AMBRA1: variants seen among roughly 807,000 people sequenced by gnomAD.
AMBRA1 encodes the protein autophagy and beclin 1 regulator 1.
A neutral mutation model predicts 125.4 loss-of-function variants in AMBRA1; 47 were observed. The observed-to-expected ratio is 0.37, with a 90% confidence interval of 0.30 to 0.48. The LOEUF is 0.48. AMBRA1 is among the 20% of genes least tolerant of loss of function. AMBRA1 has a pLI of 0.99. For synonymous variants in AMBRA1, 626 were observed against 655.5 expected, an observed-to-expected ratio of 0.95 and a Z score of 0.69; for missense variants, 1,331 against 1,693.4, an observed-to-expected ratio of 0.79 and a Z score of 3.76.
chr11:46,523,811 C>G (rs1199401195), intron 7 of AMBRA1, among the ~76,000 whole-genome samples: 5 of 152,312 alleles, frequency 3.3e-5, no homozygotes, highest in African/African-American at 1.2e-4. Context: ...TATTAACTAT[C>G]ATAAGAAGAT....
chr11:46,524,920 A>G (rs1951903329), intron 7 of AMBRA1, among the ~76,000 whole-genome samples: 1 of 152,282 alleles, frequency 6.6e-6, no homozygotes, highest in Non-Finnish European at 1.5e-5. Context: ...GTATCCATCT[A>G]CCAATCTATG....
rs1363266619 is a variant in AMBRA1 at position 46,588,240 on chromosome 11, G to A, written c.-121+5588C>T. 3.9e-5 allele frequency among the ~76,000 whole-genome samples: 6 copies of A among 152,114 alleles called. No homozygotes were observed. In the South Asian group the frequency reaches 6.2e-4, roughly 16 times the overall value. On this transcript the variant is annotated intron_variant, in intron 1 of 17. Transcript: ENST00000683756. ...CCAGCTACTCAGGAAGCTGAGGAGG[G>A]GGAATCACTTGAACCTGGGAGGCGC...
At chr11:46,551,495 G>A (rs924363457) in intron 1 of AMBRA1, among the ~76,000 whole-genome samples, 1 of 152,094 alleles carries the variant, frequency 6.6e-6, no homozygotes, top group African/African-American at 2.4e-5. Flanking sequence ...TGCCCAGGCT[G>A]GTGCAAACCA....
intron 12 of AMBRA1, among the ~76,000 whole-genome samples, chr11:46,440,957 G>T (rs943238528): frequency 6.6e-6 from 1 of 152,160 alleles, no homozygotes; most frequent in African/African-American, 2.4e-5. Context: ...GCCCAGAGTG[G>T]TAATTCATAA....
intron 7 of AMBRA1, among the ~76,000 whole-genome samples, chr11:46,538,453 G>GA (rs1051554574): frequency 6.6e-6 from 1 of 151,778 alleles, no homozygotes; most frequent in Non-Finnish European, 1.5e-5. Flanking sequence ...CACCAGAAAA[G>GA]AAAAAAATAC....
At chr11:46,478,238 C>A (rs934948937) in intron 11 of AMBRA1, among the ~76,000 whole-genome samples, 5 of 152,294 alleles carry the variant, frequency 3.3e-5, no homozygotes, top group African/African-American at 1.2e-4. Context: ...AGTAATTGGG[C>A]ACACAAAAAT....
chr11:46,427,738 C>G (rs1812657), intron 14 of AMBRA1, among the ~76,000 whole-genome samples: 150,498 of 152,302 alleles, frequency 0.99, 74,390 homozygotes, highest in East Asian at 1. Context: ...GCCGGGAGCG[C>G]TGGCTCATGC....
intron 15 of AMBRA1, 144 bp from the exon 16 acceptor site, chr11:46,410,512 C>A: frequency 1.4e-6 from 1 of 690,202 alleles, no homozygotes; most frequent in Admixed American, 2.2e-5. Context: ...AAGACCAGAG[C>A]TGCTGCCTCA....
At chr11:46,502,986 G>C (rs1345970595) in intron 9 of AMBRA1, among the ~76,000 whole-genome samples, 3 of 150,550 alleles carry the variant, frequency 2.0e-5, no homozygotes, top group Non-Finnish European at 3.0e-5. Context: ...GCATGAACCT[G>C]GGAGGCGGAG....
At chr11:46,413,335 G>C (rs556312109) in intron 15 of AMBRA1, among the ~76,000 whole-genome samples, 2 of 152,226 alleles carry the variant, frequency 1.3e-5, no homozygotes, top group African/African-American at 2.4e-5. Flanking sequence ...CCCACAAACA[G>C]GTCTAATTCT....
intron 7 of AMBRA1, among the ~76,000 whole-genome samples, chr11:46,516,657 T>A (rs918052236): frequency 6.6e-6 from 1 of 151,896 alleles, no homozygotes; most frequent in East Asian, 1.9e-4. Context: ...ATGGTCTTGA[T>A]CTCCTGACCT....
chr11:46,541,979 G>A lies in AMBRA1; in HGVS notation c.2038C>T (p.Pro680Ser). 6.2e-7 allele frequency: 1 copy of A among 1,613,886 alleles called. No homozygotes were observed. Among genetic ancestry groups the A allele is most frequent in the Non-Finnish European group, 8.5e-7 (1 of 1,179,936 alleles). ...VSQEALHQDMPEESSEEDSLR... is the reference protein window; with the variant it reads ...VSQEALHQDMSEESSEEDSLR... ...GAATCCTCCTCAGAGCTCTCCTCAG[G>A]CATATCCTGATGTAAGGCCTCCTGT... Residue 680 changes from proline (P) to serine (S), a missense_variant, in exon 7 of 18, where the codon CCT (proline) becomes TCT (serine). Pro to Ser is a moderately conservative substitution (Grantham distance 74). This residue lies in a region of AMBRA1 where 689 missense variants were observed against 776.5 expected (regional missense o/e 0.89). Transcript: ENST00000683756.
intron 1 of AMBRA1, among the ~76,000 whole-genome samples, chr11:46,591,902 C>T (rs1399188065): frequency 6.6e-6 from 1 of 150,610 alleles, no homozygotes; most frequent in Non-Finnish European, 1.5e-5. Context: ...ATTCTACATA[C>T]TTTGGAAACT....
At chr11:46,470,280 A>G (rs1480809955) in intron 11 of AMBRA1, among the ~76,000 whole-genome samples, 1 of 152,006 alleles carries the variant, frequency 6.6e-6, no homozygotes, top group African/African-American at 2.4e-5. Context: ...ATATCTACAA[A>G]AAATTTTTTA....
At chr11:46,500,929 T>C (rs1274775437) in intron 9 of AMBRA1, among the ~76,000 whole-genome samples, 1 of 152,228 alleles carries the variant, frequency 6.6e-6, no homozygotes, top group Non-Finnish European at 1.5e-5. Context: ...CTTGATGCTA[T>C]TCCATAACTT....
intron 11 of AMBRA1, among the ~76,000 whole-genome samples, chr11:46,453,303 T>C (rs1373621749): frequency 1.3e-5 from 2 of 151,988 alleles, no homozygotes; most frequent in Admixed American, 6.6e-5. Context: ...TCTCATTCTA[T>C]CACCCAGGCT....
chr11:46,539,105 A>T (rs1952618216), intron 7 of AMBRA1, among the ~76,000 whole-genome samples: 1 of 151,924 alleles, frequency 6.6e-6, no homozygotes, highest in Admixed American at 6.6e-5. Flanking sequence ...TGCCGGGAGC[A>T]GACGGAATAT....
At chr11:46,571,060 C>T (rs978116693) in intron 1 of AMBRA1, among the ~76,000 whole-genome samples, 1 of 152,204 alleles carries the variant, frequency 6.6e-6, no homozygotes, top group Non-Finnish European at 1.5e-5. Context: ...TTTGAAAACT[C>T]CAGCTATCTT....
intron 1 of AMBRA1, among the ~76,000 whole-genome samples, chr11:46,587,519 T>G (rs1368059830): frequency 6.6e-6 from 1 of 152,200 alleles, no homozygotes; most frequent in African/African-American, 2.4e-5. Flanking sequence ...CAATCTTAAA[T>G]GAAGACTGAA....
Sources: allele counts gnomAD v4.1 joint callset (sites outside exome capture counted in the v4.1 genomes callset), GRCh38; gene constraint gnomAD v4.1.1; regional missense constraint gnomAD v4.1.1; transcripts MANE v1.5; gene names NCBI Gene and HGNC (gene_info 2026-07-23, HGNC 2026-07-21).